The following PIKFYVE variants were observed in gnomAD, a reference collection of about 807,000 sequenced individuals.
PIKFYVE encodes the protein phosphoinositide kinase, FYVE-type zinc finger containing.
PIKFYVE carries 122 observed loss-of-function variants against 257.9 expected under a neutral mutation model. That is an observed-to-expected ratio of 0.47 (90% CI 0.41 to 0.55). PIKFYVE has a LOEUF of 0.55. Ranked by LOEUF, PIKFYVE falls within the 20% of genes least tolerant of loss-of-function variation. PIKFYVE has a pLI of 0.00. For missense variants in PIKFYVE, 2,160 were observed against 2,536.6 expected (o/e 0.85, Z 3.19); for synonymous variants, 892 against 868.9 (o/e 1.03, Z -0.47).
chr2:208,312,720 G>A (rs1471786228), intron 13 of PIKFYVE, among the ~76,000 whole-genome samples: 1 of 152,176 alleles, frequency 6.6e-6, no homozygotes, highest in African/African-American at 2.4e-5. Context: ...GAAGCAGGCA[G>A]TAGAGGTTAA....
chr2:208,291,632 A>G (rs926204131), intron 7 of PIKFYVE, among the ~76,000 whole-genome samples: 2 of 152,044 alleles, frequency 1.3e-5, no homozygotes, highest in Admixed American at 1.3e-4. Context: ...GTTACCAGTT[A>G]TTGATTCAAT....
chr2:208,297,003 A>G (rs1693073313), intron 7 of PIKFYVE, among the ~76,000 whole-genome samples: 1 of 152,132 alleles, frequency 6.6e-6, no homozygotes, highest in African/African-American at 2.4e-5. Flanking sequence ...GATGGGGAAA[A>G]TTACAGTATT....
intron 41 of PIKFYVE, 123 bp downstream of exon 41, chr2:208,354,768 C>A: frequency 1.3e-6 from 1 of 799,362 alleles, no homozygotes; most frequent in Non-Finnish European, 2.1e-6. Context: ...ATTTCATTGT[C>A]ATTTCTAAAG....
At chr2:208,293,027 TG>T (rs1231565470) in intron 7 of PIKFYVE, among the ~76,000 whole-genome samples, 3 of 152,086 alleles carry the variant, frequency 2.0e-5, no homozygotes, top group Non-Finnish European at 2.9e-5. Context: ...TGTATTTAAT[TG>T]AGCATTTTAT....
chr2:208,356,675 A>G lies in PIKFYVE; in HGVS notation c.*1370A>G, dbSNP rs1385749301. 6.6e-6 allele frequency: 1 copy of G among 152,504 alleles called. No individual in the cohort carries two copies. The allele number at this position is 152,504 out of a possible 1,614,324, so 9.4% of individuals were successfully genotyped here. On this transcript the variant is annotated 3_prime_UTR_variant, in exon 42 of 42. Transcript: ENST00000264380. ...TCAAAAAACAAAACGAAACAAAAAA[A>G]GAAAGTTATTCTTAGTAAGGAACTT... is the stretch of plus-strand genomic sequence containing the variant.
At chr2:208,320,495 G>C (rs1022795071) in intron 17 of PIKFYVE, 136 bp downstream of exon 17, 14 of 977,074 alleles carry the variant, frequency 1.4e-5, no homozygotes, top group Non-Finnish European at 2.1e-5. Flanking sequence ...CAAAACCTCT[G>C]TCACTCATTA....
intron 5 of PIKFYVE, among the ~76,000 whole-genome samples, chr2:208,278,538 T>C (rs1322678644): frequency 6.6e-6 from 1 of 152,100 alleles, no homozygotes; most frequent in Admixed American, 6.6e-5. Flanking sequence ...GTAGTTAGTT[T>C]TTCAAACCTT....
At chr2:208,267,502 GTT>G (rs376773052) in intron 1 of PIKFYVE, among the ~76,000 whole-genome samples, 2,221 of 109,020 alleles carry the variant, frequency 0.02, 9 homozygotes, top group Middle Eastern at 0.045. Context: ...TACATTGCCA[GTT>G]TTTTTTTTTT....
At position 208,356,674 on chromosome 2, in the gene PIKFYVE, AAG is replaced by A. The variant is rs550125095; in HGVS notation, c.*1371_*1372del. The A allele has an allele frequency of 4.4e-4, 67 of 152,760 alleles. 1 individual carries two copies. The highest frequency in any genetic ancestry group is 1.9e-4 in the Non-Finnish European group (13 of 68,038). 9.5% of individuals were successfully genotyped at this position (152,760 alleles called of 1,614,324 possible). On this transcript the variant is annotated 3_prime_UTR_variant, in exon 42 of 42. Coordinates refer to ENST00000264380, the MANE Select transcript of PIKFYVE (RefSeq NM_015040.4). Reference sequence around the variant, plus strand: ...CTCAAAAAACAAAACGAAACAAAAAAAGAAAGTTATTCTTAGTAAGGAACTTC... The same window carrying A: ...CTCAAAAAACAAAACGAAACAAAAAAAAAGTTATTCTTAGTAAGGAACTTC...
intron 5 of PIKFYVE, among the ~76,000 whole-genome samples, chr2:208,279,747 C>T (rs985302345): frequency 5.3e-5 from 8 of 152,120 alleles, no homozygotes; most frequent in South Asian, 2.1e-4. Flanking sequence ...TGTTCTGTTC[C>T]ATTGGCTTAT....
intron 5 of PIKFYVE, among the ~76,000 whole-genome samples, chr2:208,285,239 G>T (rs762970718): frequency 3.9e-5 from 6 of 152,104 alleles, no homozygotes; most frequent in African/African-American, 7.2e-5. Flanking sequence ...GGGATTACAG[G>T]TATGCGTTAC....
Position 208,304,196 on chromosome 2 carries a change from C to T in PIKFYVE, c.1346C>T (p.Ser449Phe). The change falls in exon 11 of 42, where the codon TCT (serine) becomes TTT (phenylalanine). Residue 449 changes from serine (S) to phenylalanine (F), a missense_variant. This residue lies in a region of PIKFYVE where 90 missense variants were observed against 110.6 expected (regional missense o/e 0.81). Transcript: ENST00000264380. Reference protein sequence around the residue: ...LQSTEFSETPSPDSDSVNSVE... With the variant: ...LQSTEFSETPFPDSDSVNSVE... Reference sequence around the variant, plus strand: ...AGTACAGAATTTTCTGAGACGCCTTCTCCCGACAGTGACTCAGTGAACTCC... The same window carrying T: ...AGTACAGAATTTTCTGAGACGCCTTTTCCCGACAGTGACTCAGTGAACTCC... 1 of 1,614,164 alleles carries T rather than the reference C, an allele frequency of 6.2e-7. No homozygotes were observed. Among genetic ancestry groups the T allele is most frequent in the Non-Finnish European group, 8.5e-7 (1 of 1,180,006 alleles).
chr2:208,347,044 A>G (rs1045207407), intron 34 of PIKFYVE, among the ~76,000 whole-genome samples: 4 of 152,184 alleles, frequency 2.6e-5, no homozygotes, highest in African/African-American at 9.7e-5. Context: ...GTTGGGTTAT[A>G]CAAATCATGA....
At chr2:208,349,922 A>C in intron 35 of PIKFYVE, 102 bp from the exon 36 acceptor site, 2 of 1,531,852 alleles carry the variant, frequency 1.3e-6, no homozygotes, top group Non-Finnish European at 1.8e-6. Context: ...TTTTACTTTT[A>C]ATTTGCTAAG....
intron 7 of PIKFYVE, among the ~76,000 whole-genome samples, chr2:208,294,511 A>G (rs144200007): frequency 3.2e-4 from 49 of 152,260 alleles, no homozygotes; most frequent in African/African-American, 1.2e-3. Flanking sequence ...AAAAGGAACT[A>G]TGGTAAATAG....
chr2:208,268,986 G>T (rs1470434881), intron 1 of PIKFYVE, among the ~76,000 whole-genome samples: 1 of 152,104 alleles, frequency 6.6e-6, no homozygotes, highest in Non-Finnish European at 1.5e-5. Context: ...GAGACTTGGG[G>T]TATAGTGACA....
At chr2:208,274,202 T>A in intron 3 of PIKFYVE, 1 of 839,868 alleles carries the variant, frequency 1.2e-6, no homozygotes, top group Non-Finnish European at 1.9e-6. Context: ...GGGTGCAAAC[T>A]GTCAGTGTGG....
Position 208,325,242 on chromosome 2 carries a change from T to C in PIKFYVE, c.2459-28T>C, listed in dbSNP as rs200599714. ...CTTCTGGATTGCCACCTCCACCATC[T>C]TAACTTTCTGTTTGTTTTTGTTTGT... On this transcript the variant is annotated intron_variant, in intron 19 of 41. Coordinates refer to ENST00000264380, the MANE Select transcript of PIKFYVE (RefSeq NM_015040.4). The C allele has an allele frequency of 2.4e-5, 38 of 1,607,536 alleles. No homozygotes were observed. In the East Asian group the frequency reaches 7.8e-4, roughly 33 times the overall value.
At chr2:208,290,365 A>T (rs992682698) in intron 7 of PIKFYVE, among the ~76,000 whole-genome samples, 5 of 152,182 alleles carry the variant, frequency 3.3e-5, no homozygotes, top group African/African-American at 1.2e-4. Flanking sequence ...ATATAGTTGG[A>T]ATTATACAGT....
Sources: allele counts gnomAD v4.1 joint callset (sites outside exome capture counted in the v4.1 genomes callset), GRCh38; gene constraint gnomAD v4.1.1; regional missense constraint gnomAD v4.1.1; transcripts MANE v1.5; gene names NCBI Gene and HGNC (gene_info 2026-07-23, HGNC 2026-07-21).